The following KSR2 variants were observed in gnomAD, a reference collection of about 807,000 sequenced individuals.
KSR2 encodes the protein kinase suppressor of ras 2.
A neutral mutation model predicts 107.8 loss-of-function variants in KSR2; 25 were observed. That is an observed-to-expected ratio of 0.23 (90% CI 0.17 to 0.32). The LOEUF is 0.32. KSR2 is among the 10% of genes least tolerant of loss of function. The pLI, the probability that KSR2 is intolerant of heterozygous loss-of-function variation, is 1.00. For missense variants in KSR2, 887 were observed against 1,268.9 expected (o/e 0.70, Z 4.57); for synonymous variants, 480 against 507.0 (o/e 0.95, Z 0.71).
In KSR2 at chr12:117,457,216, C is replaced by T. The variant is rs1870667696; in HGVS notation, c.*9983G>A. ...TAACTAGTGCTTTAAAAACCTATTT[C>T]CCTGCAATGTTCACTTAAGGAGTCC... On this transcript the variant is annotated 3_prime_UTR_variant, in exon 20 of 20. Transcript: ENST00000339824. 1 of 152,240 alleles carries T rather than the reference C, an allele frequency of 6.6e-6. No individual in the cohort carries two copies. The highest frequency in any genetic ancestry group is 2.1e-4 in the South Asian group (1 of 4,830). 9.4% of individuals were successfully genotyped at this position (152,240 alleles called of 1,614,324 possible). A position where few individuals can be genotyped will look rare whatever the true frequency, so the allele number is the denominator to read the frequency against.
intron 4 of KSR2, among the ~76,000 whole-genome samples, chr12:117,694,047 C>T (rs762003456): frequency 5.9e-5 from 9 of 152,290 alleles, no homozygotes; most frequent in South Asian, 2.1e-4. Flanking sequence ...AAGGACACTA[C>T]AAAAAGGTGT....
intron 3 of KSR2, among the ~76,000 whole-genome samples, chr12:117,828,452 T>A (rs1312436023): frequency 6.6e-6 from 1 of 152,216 alleles, no homozygotes; most frequent in Non-Finnish European, 1.5e-5. Context: ...AAACCATTTT[T>A]ATTGAGTGCT....
intron 5 of KSR2, among the ~76,000 whole-genome samples, chr12:117,654,217 G>A (rs1278173136): frequency 3.3e-5 from 5 of 152,148 alleles, no homozygotes; most frequent in African/African-American, 4.8e-5. Flanking sequence ...AAAGTGAGTC[G>A]TGCACAGCAG....
At chr12:117,931,108 CTG>C (rs1895684961) in intron 1 of KSR2, among the ~76,000 whole-genome samples, 1 of 152,114 alleles carries the variant, frequency 6.6e-6, no homozygotes, top group South Asian at 2.1e-4. Context: ...ACTTCAGCGG[CTG>C]TGTCTCCCAC....
chr12:117,837,172 G>A (rs894012634), intron 3 of KSR2, among the ~76,000 whole-genome samples: 1 of 152,082 alleles, frequency 6.6e-6, no homozygotes. Context: ...AGAAACCCAG[G>A]GTCTCCCCTG....
At chr12:117,594,387 G>T (rs1250272621) in intron 5 of KSR2, among the ~76,000 whole-genome samples, 1 of 152,194 alleles carries the variant, frequency 6.6e-6, no homozygotes. Context: ...GAGACTTAAA[G>T]TGCCATCCGA....
chr12:117,485,534 T>A (rs1872413481), intron 15 of KSR2, 61 bp downstream of exon 15: 5 of 1,321,938 alleles, frequency 3.8e-6, no homozygotes, highest in Middle Eastern at 3.7e-4. Flanking sequence ...GTAGGGGGGC[T>A]TCCCTGGGGG....
intron 5 of KSR2, among the ~76,000 whole-genome samples, chr12:117,661,112 G>A (rs74317961): frequency 0.017 from 2,576 of 152,296 alleles, 71 homozygotes; most frequent in African/African-American, 0.058. Context: ...AGGAAACATC[G>A]GGCAGACTTG....
intron 1 of KSR2, among the ~76,000 whole-genome samples, chr12:117,922,309 T>C (rs965223819): frequency 7.2e-5 from 11 of 152,222 alleles, no homozygotes; most frequent in African/African-American, 2.7e-4. Flanking sequence ...CTAAAGTTCA[T>C]GGCTCAAGAT....
chr12:117,759,967 G>A (rs1489630384), intron 4 of KSR2, among the ~76,000 whole-genome samples: 1 of 152,186 alleles, frequency 6.6e-6, no homozygotes, highest in Admixed American at 6.5e-5. Context: ...AAATTAGCCA[G>A]GCGTGGTGGC....
At position 117,901,194 on chromosome 12, in the gene KSR2, G is replaced by A. The variant is rs151212324; in HGVS notation, c.181-40763C>T. Among the ~76,000 whole-genome samples, 458 of 151,906 alleles carry A rather than the reference G, an allele frequency of 3.0e-3. 9 individuals carry two copies. The East Asian group carries it at 0.037, about 12-fold the overall frequency. On this transcript the variant is annotated intron_variant, in intron 1 of 19. Transcript: ENST00000339824. ...AATGGGAGGCTGCCAAAAAAACGCA[G>A]GAATATGATAAATAAACAATAAAGT...
At chr12:117,843,840 C>T (rs796407210) in intron 3 of KSR2, among the ~76,000 whole-genome samples, 41 of 152,068 alleles carry the variant, frequency 2.7e-4, no homozygotes, top group African/African-American at 9.4e-4. Flanking sequence ...AACAGCTGGA[C>T]GTATTGGCTG....
At chr12:117,476,634 C>T (rs758024405) in intron 16 of KSR2, 39 bp from the exon 17 acceptor site, 20 of 1,583,238 alleles carry the variant, frequency 1.3e-5, no homozygotes, top group Non-Finnish European at 1.7e-5. Flanking sequence ...TGTTTCATAG[C>T]CCAGGGTGGA....
At chr12:117,503,581 C>A (rs1873507972) in intron 14 of KSR2, among the ~76,000 whole-genome samples, 1 of 152,054 alleles carries the variant, frequency 6.6e-6, no homozygotes, top group East Asian at 1.9e-4. Context: ...AGACAGCTGC[C>A]CTGGAGGATT....
At chr12:117,815,978 A>C (rs1448402202) in intron 3 of KSR2, among the ~76,000 whole-genome samples, 8 of 147,498 alleles carry the variant, frequency 5.4e-5, no homozygotes, top group African/African-American at 1.8e-4. Context: ...CTGTCTCAAA[A>C]AAAAAAAATA....
At chr12:117,476,423 C>T (rs1738093149) in intron 17 of KSR2, 41 bp downstream of exon 17, 13 of 1,540,006 alleles carry the variant, frequency 8.4e-6, no homozygotes, top group South Asian at 1.2e-5. Context: ...GCCCCTCTGC[C>T]CAGGCTGTGG....
Position 117,667,345 on chromosome 12 carries a change from C to T in KSR2, c.1171+129G>A, listed in dbSNP as rs143299277. The T allele has an allele frequency of 3.4e-6, 3 of 873,748 alleles. No homozygotes were observed. In the East Asian group the frequency reaches 7.9e-5, roughly 23 times the overall value. 54.1% of individuals were successfully genotyped at this position (873,748 alleles called of 1,614,324 possible). On this transcript the variant is annotated intron_variant, in intron 5 of 19. Transcript: ENST00000339824. Reference sequence around the variant, plus strand: ...TGGGCAGATGATGGGTGAAGCTCTACAGTGAGCATTTCACAAGCCCTTGAG... The same window carrying T: ...TGGGCAGATGATGGGTGAAGCTCTATAGTGAGCATTTCACAAGCCCTTGAG...
chr12:117,797,803 G>A (rs10466935), intron 3 of KSR2, among the ~76,000 whole-genome samples: 12,516 of 150,442 alleles, frequency 0.083, 1,707 homozygotes, highest in African/African-American at 0.28. Flanking sequence ...CCACAGGTGC[G>A]CACAATCATG....
At chr12:117,766,558 C>T (rs1889234681) in intron 3 of KSR2, among the ~76,000 whole-genome samples, 1 of 152,046 alleles carries the variant, frequency 6.6e-6, no homozygotes, top group Non-Finnish European at 1.5e-5. Context: ...TGAATTTTCC[C>T]TACATAAAAT....
Sources: allele counts gnomAD v4.1 joint callset (sites outside exome capture counted in the v4.1 genomes callset), GRCh38; gene constraint gnomAD v4.1.1; transcripts MANE v1.5; gene names NCBI Gene and HGNC (gene_info 2026-07-23, HGNC 2026-07-21).